The following PPP3CA variants were observed in gnomAD, a reference collection of about 807,000 sequenced individuals.
The protein encoded by PPP3CA is CAM-PRP catalytic subunit.
PPP3CA carries 14 observed loss-of-function variants against 66.5 expected under a neutral mutation model. The observed-to-expected ratio is 0.21, with a 90% CI of 0.14 to 0.33. PPP3CA has a LOEUF of 0.33. Ranked by LOEUF, PPP3CA falls within the 10% of genes least tolerant of loss-of-function variation. The pLI is 1.00. For missense variants in PPP3CA, 317 were observed against 639.5 expected, an observed-to-expected ratio of 0.50 and a Z score of 5.44; for synonymous variants, 232 against 226.2, an observed-to-expected ratio of 1.03 and a Z score of -0.23.
At chr4:101,098,539 T>C in intron 4 of PPP3CA, 27 bp from the exon 5 acceptor site, 1 of 1,563,554 alleles carries the variant, frequency 6.4e-7, no homozygotes, top group South Asian at 1.2e-5. Flanking sequence ...AAAGAATACT[T>C]ATGATTTATA....
At chr4:101,290,547 ATATTTAGAG>A (rs759817171) in intron 1 of PPP3CA, among the ~76,000 whole-genome samples, 2 of 152,236 alleles carry the variant, frequency 1.3e-5, no homozygotes, top group Non-Finnish European at 2.9e-5. Context: ...ATGTAAACAA[ATATTTAGAG>A]TCCCTACATA....
chr4:101,135,340 G>GTGCCATGTC lies in PPP3CA; in HGVS notation c.260-26271_260-26263dup, dbSNP rs767394049. ...TTTTAGTCGTTGGTACATGCAATGT[G>GTGCCATGTC]TGCCATGTCTGCCATGTCTGTGTTG... On this transcript the variant is annotated intron_variant, in intron 2 of 13. Transcript: ENST00000394854. Among the ~76,000 whole-genome samples, 222 of 152,028 alleles carry GTGCCATGTC rather than the reference G, an allele frequency of 1.5e-3. 1 individual carries two copies. The highest frequency in any genetic ancestry group is 3.4e-3 in the Middle Eastern group (1 of 292).
At chr4:101,211,253 G>A (rs1396648406) in intron 1 of PPP3CA, among the ~76,000 whole-genome samples, 1 of 152,122 alleles carries the variant, frequency 6.6e-6, no homozygotes, top group Admixed American at 6.6e-5. Context: ...CTCATCCAAT[G>A]ATCCAAAGGT....
intron 2 of PPP3CA, among the ~76,000 whole-genome samples, chr4:101,110,046 A>G (rs1721618722): frequency 6.6e-6 from 1 of 152,128 alleles, no homozygotes; most frequent in Admixed American, 6.5e-5. Flanking sequence ...CCTGTCAGCC[A>G]CCACATTATG....
At chr4:101,198,510 T>A (rs143285578) in intron 1 of PPP3CA, among the ~76,000 whole-genome samples, 37 of 152,256 alleles carry the variant, frequency 2.4e-4, no homozygotes, top group African/African-American at 8.7e-4. Flanking sequence ...TGGCTCTGCA[T>A]AACTGTCAGG....
chr4:101,282,982 TA>T (rs1437508458), intron 1 of PPP3CA, among the ~76,000 whole-genome samples: 2 of 152,236 alleles, frequency 1.3e-5, no homozygotes, highest in African/African-American at 4.8e-5. Context: ...ATGTATTAAA[TA>T]ATAAGAGTTA....
At chr4:101,275,994 A>G (rs1208085594) in intron 1 of PPP3CA, among the ~76,000 whole-genome samples, 5 of 151,820 alleles carry the variant, frequency 3.3e-5, no homozygotes, top group African/African-American at 9.7e-5. Context: ...TCGAGATCCC[A>G]AGAAATTCTC....
chr4:101,264,812 T>G (rs956127986), intron 1 of PPP3CA, among the ~76,000 whole-genome samples: 3 of 152,158 alleles, frequency 2.0e-5, no homozygotes, highest in African/African-American at 7.2e-5. Flanking sequence ...ATAGCATGTA[T>G]GAGGGAAGAC....
intron 2 of PPP3CA, among the ~76,000 whole-genome samples, chr4:101,159,955 T>C (rs1411829340): frequency 6.6e-6 from 1 of 152,098 alleles, no homozygotes; most frequent in Non-Finnish European, 1.5e-5. Context: ...AAACGTGAAC[T>C]ATCTATAAAA....
At chr4:101,098,869 C>T (rs1730317140) in intron 4 of PPP3CA, among the ~76,000 whole-genome samples, 1 of 152,090 alleles carries the variant, frequency 6.6e-6, no homozygotes, top group African/African-American at 2.4e-5. Flanking sequence ...GCTTGATATT[C>T]CTTAACGATT....
chr4:101,172,280 C>T (rs1723909767), intron 2 of PPP3CA, among the ~76,000 whole-genome samples: 1 of 152,118 alleles, frequency 6.6e-6, no homozygotes, highest in Non-Finnish European at 1.5e-5. Context: ...CCATTTCTGA[C>T]ACTTCTATCT....
chr4:101,046,610 T>C (rs1186556733), intron 10 of PPP3CA, among the ~76,000 whole-genome samples: 1 of 152,184 alleles, frequency 6.6e-6, no homozygotes, highest in Non-Finnish European at 1.5e-5. Flanking sequence ...TTGAAACATT[T>C]AATCCAAATT....
intron 1 of PPP3CA, among the ~76,000 whole-genome samples, chr4:101,317,327 T>C (rs1728913907): frequency 6.6e-6 from 1 of 151,490 alleles, no homozygotes. Flanking sequence ...AGTAAAGTGA[T>C]ACAATTTCTA....
At chr4:101,032,496 AAAATTTTTTTT>A (rs1378606848) in intron 11 of PPP3CA, 132 bp from the exon 12 acceptor site, 1 of 701,298 alleles carries the variant, frequency 1.4e-6, no homozygotes, top group African/African-American at 1.8e-5. Context: ...ATCTTTTTTT[AAAATTTTTTTT>A]AACATACTTT....
intron 1 of PPP3CA, among the ~76,000 whole-genome samples, chr4:101,346,350 A>T (rs113086344): frequency 0.097 from 14,815 of 152,044 alleles, 2,458 homozygotes; most frequent in African/African-American, 0.34. Context: ...AGAAAACCAT[A>T]AACCCGATCC....
chr4:101,309,905 TCAA>T (rs1402659795), intron 1 of PPP3CA, among the ~76,000 whole-genome samples: 2 of 152,344 alleles, frequency 1.3e-5, no homozygotes, highest in East Asian at 3.8e-4. Flanking sequence ...TACGTATTTA[TCAA>T]CGACACGTTA....
intron 1 of PPP3CA, among the ~76,000 whole-genome samples, chr4:101,209,536 G>A (rs1204220408): frequency 1.3e-5 from 2 of 152,082 alleles, no homozygotes; most frequent in African/African-American, 4.8e-5. Context: ...CAAAATTTTG[G>A]ATCAGAATCA....
intron 1 of PPP3CA, among the ~76,000 whole-genome samples, chr4:101,285,654 T>TGTGTGTGTGTGTG (rs1560698436): frequency 7.0e-6 from 1 of 142,574 alleles, no homozygotes; most frequent in African/African-American, 2.6e-5. Context: ...TGTGTGTGTG[T>TGTGTGTGTGTGTG]TTTCTAATAC....
At chr4:101,300,670 G>C (rs1450454517) in intron 1 of PPP3CA, among the ~76,000 whole-genome samples, 1 of 151,994 alleles carries the variant, frequency 6.6e-6, no homozygotes, top group Non-Finnish European at 1.5e-5. Flanking sequence ...GGTGACACAC[G>C]CCTGCAGTTT....
Sources: allele counts gnomAD v4.1 joint callset (sites outside exome capture counted in the v4.1 genomes callset), GRCh38; gene constraint gnomAD v4.1.1; transcripts MANE v1.5; gene names NCBI Gene and HGNC (gene_info 2026-07-23, HGNC 2026-07-21).